ABCB5: variants seen among roughly 807,000 people sequenced by gnomAD.
ABCB5 encodes the protein ATP-binding cassette sub-family B member 5.
A neutral mutation model predicts 144.2 loss-of-function variants in ABCB5; 155 were observed. The observed-to-expected ratio is 1.08, with a 90% CI of 0.94 to 1.23. The LOEUF is 1.23. Among genes scored for constraint, ABCB5 ranks in the 50% most tolerant of loss-of-function variants. The probability of loss-of-function intolerance (pLI) is 0.00; values close to 1 mark genes in which losing one functional copy is unlikely to be tolerated. For synonymous variants in ABCB5, 610 were observed against 528.6 expected, an observed-to-expected ratio of 1.15 and a Z score of -2.11; for missense variants, 1,830 against 1,520.8, an observed-to-expected ratio of 1.20 and a Z score of -3.38.
intron 14 of ABCB5, among the ~76,000 whole-genome samples, chr7:20,679,778 A>C (rs7795777): frequency 0.87 from 133,079 of 152,176 alleles, 58,202 homozygotes; most frequent in East Asian, 1. Flanking sequence ...TCTTAGTCAG[A>C]ATATAGAGCA....
intron 4 of ABCB5, among the ~76,000 whole-genome samples, chr7:20,630,927 G>C (rs1784024077): frequency 6.6e-6 from 1 of 152,144 alleles, no homozygotes; most frequent in Non-Finnish European, 1.5e-5. Context: ...GTTCAATAAT[G>C]ATTTACATAA....
chr7:20,754,999 G>C (rs1046813949), intron 27 of ABCB5, among the ~76,000 whole-genome samples: 1 of 151,484 alleles, frequency 6.6e-6, no homozygotes, highest in East Asian at 1.9e-4. Flanking sequence ...ACTTAGGCTG[G>C]AGTGCAATGG....
At chr7:20,692,410 G>T (rs1786259768) in intron 16 of ABCB5, among the ~76,000 whole-genome samples, 1 of 151,556 alleles carries the variant, frequency 6.6e-6, no homozygotes, top group South Asian at 2.1e-4. Flanking sequence ...TAAAAAGGAA[G>T]GCAAAGTTCA....
rs769063309 is a variant in ABCB5 at position 20,681,513 on chromosome 7, AG to A, written c.1718del (p.Gly573ValfsTer7). The A allele has an allele frequency of 1.9e-6, 3 of 1,614,000 alleles. No homozygotes were observed. The highest frequency in any genetic ancestry group is 2.2e-5 in the South Asian group (2 of 91,044). ...TGCATTTTATTCTGTAGGCGAGCAA[AG>A]GTCGGACTACAATCGTGGTAGCACA... ...VQAALEKASK[G>X]RTTIVVAHRL... On this transcript the variant is annotated frameshift_variant, in exon 15 of 28. Coordinates refer to ENST00000404938, the MANE Select transcript of ABCB5 (RefSeq NM_001163941.2). LOFTEE classifies it high-confidence loss of function.
At chr7:20,630,025 T>C (rs562976633) in intron 4 of ABCB5, among the ~76,000 whole-genome samples, 71 of 152,244 alleles carry the variant, frequency 4.7e-4, no homozygotes, top group Non-Finnish European at 7.8e-4. Flanking sequence ...TAGGCATCTT[T>C]CGTGTATCGT....
At chr7:20,650,290 C>T in intron 12 of ABCB5, 143 bp downstream of exon 12, 3 of 1,117,144 alleles carry the variant, frequency 2.7e-6, no homozygotes, top group Non-Finnish European at 3.6e-6. Context: ...TATCCATTCA[C>T]TCAGCAAATA....
chr7:20,664,030 T>C (rs1785090471), intron 14 of ABCB5, among the ~76,000 whole-genome samples: 1 of 151,252 alleles, frequency 6.6e-6, no homozygotes, highest in Non-Finnish European at 1.5e-5. Flanking sequence ...AATTTTTTTT[T>C]TTTTTACCAA....
At chr7:20,692,447 ATAAT>A (rs1202878544) in intron 16 of ABCB5, among the ~76,000 whole-genome samples, 1 of 151,758 alleles carries the variant, frequency 6.6e-6, no homozygotes, top group East Asian at 1.9e-4. Flanking sequence ...AAAGGTTAAA[ATAAT>A]TAACTACCAG....
At chr7:20,622,983 C>G (rs970892056) in intron 1 of ABCB5, among the ~76,000 whole-genome samples, 1 of 152,060 alleles carries the variant, frequency 6.6e-6, no homozygotes, top group Non-Finnish European at 1.5e-5. Flanking sequence ...GTGCATTTTC[C>G]GTGGAATCTG....
intron 16 of ABCB5, among the ~76,000 whole-genome samples, chr7:20,695,531 C>T (rs1005582323): frequency 4.6e-5 from 7 of 151,800 alleles, no homozygotes; most frequent in Non-Finnish European, 1.0e-4. Context: ...AATATAACAA[C>T]AAATGCATAA....
chr7:20,751,240 A>G (rs999587261), intron 26 of ABCB5, among the ~76,000 whole-genome samples: 6 of 146,426 alleles, frequency 4.1e-5, no homozygotes, highest in Non-Finnish European at 6.0e-5. Flanking sequence ...CTAAAGAGAA[A>G]CTCTGTGGTT....
chr7:20,698,071 G>T (rs1004643812), intron 16 of ABCB5, among the ~76,000 whole-genome samples: 32 of 152,020 alleles, frequency 2.1e-4, no homozygotes, highest in African/African-American at 7.7e-4. Flanking sequence ...ATTCCATCCA[G>T]TTTAACAAGA....
chr7:20,652,577 A>T (rs1313542820), intron 13 of ABCB5, among the ~76,000 whole-genome samples: 1 of 152,228 alleles, frequency 6.6e-6, no homozygotes, highest in Non-Finnish European at 1.5e-5. Flanking sequence ...GGGAAAAAAA[A>T]GTGAAATCAT....
At chr7:20,649,231 G>A (rs1425526573) in intron 11 of ABCB5, among the ~76,000 whole-genome samples, 1 of 152,150 alleles carries the variant, frequency 6.6e-6, no homozygotes, top group Non-Finnish European at 1.5e-5. Context: ...CTCCTTCAGA[G>A]AACTTTTCTC....
In ABCB5 at chr7:20,643,535, T is replaced by C. The variant is rs759547568; in HGVS notation, c.581T>C (p.Ile194Thr). The stretch of plus-strand genomic sequence containing the variant: ...TTTCAAAACATGTCTACTTTTTCGA[T>C]TGGCCTGGCAGTTGGTTTGGTGAAG... ...LLFQNMSTFS[I>T]GLAVGLVKGW... is the part of the protein sequence containing the mutation. Residue 194 changes from isoleucine (I) to threonine (T), a missense_variant, in exon 7 of 28, where the codon ATT becomes ACT. Ile to Thr is a moderately conservative substitution (Grantham distance 89). Transcript: ENST00000404938. 16 of 1,613,916 alleles carry C rather than the reference T, an allele frequency of 9.9e-6. No individual in the cohort carries two copies. The highest frequency in any genetic ancestry group is 8.3e-5 in the Admixed American group (5 of 60,004).
intron 5 of ABCB5, among the ~76,000 whole-genome samples, chr7:20,637,492 C>T (rs1426943261): frequency 6.6e-6 from 1 of 150,638 alleles, no homozygotes; most frequent in Non-Finnish European, 1.5e-5. Flanking sequence ...ATGATCTTGG[C>T]TCACTGCAAC....
At chr7:20,698,036 T>C (rs1331734708) in intron 16 of ABCB5, among the ~76,000 whole-genome samples, 1 of 152,230 alleles carries the variant, frequency 6.6e-6, no homozygotes. Context: ...TCTGCCTAGA[T>C]TTTTTTCTTA....
intron 1 of ABCB5, among the ~76,000 whole-genome samples, chr7:20,618,944 T>C (rs538226930): frequency 2.8e-4 from 43 of 151,854 alleles, no homozygotes; most frequent in African/African-American, 1.0e-3. Context: ...CAGGCTAATT[T>C]TTGTACCTTT....
chr7:20,713,170 G>A (rs1781550522), intron 20 of ABCB5, among the ~76,000 whole-genome samples: 1 of 148,996 alleles, frequency 6.7e-6, no homozygotes, highest in South Asian at 2.1e-4. Context: ...TCAATTCTGG[G>A]TTGGTGTCCA....
Sources: gnomAD v4.1 joint callset for allele counts (sites outside exome capture counted in the v4.1 genomes callset) on GRCh38, gnomAD v4.1.1 for gene constraint, MANE v1.5 for transcripts, NCBI Gene and HGNC (gene_info 2026-07-23, HGNC 2026-07-21) for gene names.